The following WDR53 variants were observed in gnomAD, a reference collection of about 807,000 sequenced individuals.
WDR53 encodes the protein WD repeat domain 53.
In WDR53, 19 loss-of-function variants were observed where a neutral mutation model predicts 21.3. That is an observed-to-expected ratio of 0.89 (90% confidence interval 0.62 to 1.31). The LOEUF (loss-of-function observed/expected upper bound fraction) is 1.31. Among genes scored for constraint, WDR53 ranks in the 50% most tolerant of loss-of-function variants. WDR53 has a pLI of 0.00. For missense variants in WDR53, 374 were observed against 423.2 expected, an observed-to-expected ratio of 0.88 and a Z score of 1.02; for synonymous variants, 157 against 163.4, an observed-to-expected ratio of 0.96 and a Z score of 0.30.
At chr3:196,564,782 A>T (rs1450051667) in intron 2 of WDR53, among the ~76,000 whole-genome samples, 1 of 152,162 alleles carries the variant, frequency 6.6e-6, no homozygotes, top group Non-Finnish European at 1.5e-5. Flanking sequence ...AGATTTGCTG[A>T]TATTTGTGTG....
chr3:196,567,535 T>C (rs1376538971), intron 1 of WDR53, among the ~76,000 whole-genome samples: 2 of 152,212 alleles, frequency 1.3e-5, no homozygotes, highest in Non-Finnish European at 2.9e-5. Context: ...CAAGGGAGTC[T>C]GTGAACCCTA....
Position 196,554,628 on chromosome 3 carries a change from C to A in WDR53, c.660G>T (p.Lys220Asn), listed in dbSNP as rs761871966. The A allele has an allele frequency of 1.2e-6, 2 of 1,614,100 alleles. No individual in the cohort carries two copies. The highest frequency in any genetic ancestry group is 1.7e-6 in the Non-Finnish European group (2 of 1,180,024). The change falls in exon 4 of 4, where the codon AAG (lysine) becomes AAT (asparagine). Residue 220 changes from lysine (K) to asparagine (N), a missense_variant. By Grantham distance (94) the Lys-to-Asn change is moderately conservative (BLOSUM62 0). Coordinates refer to ENST00000332629, the MANE Select transcript of WDR53 (RefSeq NM_182627.3). ...CTCCCATCACCCGAAAGATTCGAAC[C>A]TTACCATCTTCTGCACCACAACTAA... is the stretch of plus-strand genomic sequence containing the variant. Reference protein sequence around the residue: ...NIFSCGAEDGKVRIFRVMGVK... With the variant: ...NIFSCGAEDGNVRIFRVMGVK...
chr3:196,557,918 C>T (rs1734482731), intron 3 of WDR53, among the ~76,000 whole-genome samples: 2 of 151,556 alleles, frequency 1.3e-5, no homozygotes, highest in African/African-American at 2.4e-5. Flanking sequence ...GCTGGGACTA[C>T]AGGTGCTCAC....
intron 2 of WDR53, among the ~76,000 whole-genome samples, chr3:196,565,469 G>A (rs1297263355): frequency 1.3e-5 from 2 of 151,886 alleles, no homozygotes; most frequent in African/African-American, 4.8e-5. Context: ...CAGCTACTCG[G>A]GAGGCTGAGG....
chr3:196,554,711 GA>G lies in WDR53; in HGVS notation c.576del (p.Gln193SerfsTer3), dbSNP rs1206780326. 1 of 1,614,050 alleles carries G rather than the reference GA, an allele frequency of 6.2e-7. No individual in the cohort carries two copies. The highest frequency in any genetic ancestry group is 1.3e-5 in the African/African-American group (1 of 74,916). ...TGGGCTAGGGCAGGGTTTAAGAGCT[GA>G]CCAGGTGACTGTGGGCCTTCCATTT... ...TEEMEGPQSP[G>X]QLLNPALAHS... On this transcript the variant is annotated frameshift_variant, in exon 4 of 4. Coordinates refer to ENST00000332629, the MANE Select transcript of WDR53 (RefSeq NM_182627.3). LOFTEE classifies it high-confidence loss of function.
intron 3 of WDR53, among the ~76,000 whole-genome samples, chr3:196,557,621 AC>A (rs1306040939): frequency 6.6e-6 from 1 of 152,208 alleles, no homozygotes; most frequent in Non-Finnish European, 1.5e-5. Flanking sequence ...AGAAAGAACA[AC>A]AAACCTTTCA....
chr3:196,567,751 T>TGTGTGTG (rs1735555984), intron 1 of WDR53, among the ~76,000 whole-genome samples: 10 of 143,570 alleles, frequency 7.0e-5, no homozygotes, highest in Non-Finnish European at 4.5e-5. Context: ...GCTGAAATTC[T>TGTGTGTG]TGTGTGTGTG....
chr3:196,563,159 A>G (rs1408331388), intron 2 of WDR53, among the ~76,000 whole-genome samples: 1 of 152,212 alleles, frequency 6.6e-6, no homozygotes, highest in Non-Finnish European at 1.5e-5. Flanking sequence ...AGTTACTAGT[A>G]AGTCATCAGT....
Position 196,561,498 on chromosome 3 carries a change from A to G in WDR53, c.-16-7T>C. 8.2e-6 allele frequency: 13 copies of G among 1,588,314 alleles called. No homozygotes were observed. The highest frequency in any genetic ancestry group is 1.1e-5 in the Non-Finnish European group (13 of 1,167,540). On this transcript the variant is annotated splice_region_variant and splice_polypyrimidine_tract_variant and intron_variant, in intron 2 of 3. Transcript: ENST00000332629. ...CATAATGGTCCCGGAGACTCTGTGA[A>G]GTGGGGGAAACAACTGTAATCTCAT... is the stretch of plus-strand genomic sequence containing the variant.
In WDR53 at chr3:196,560,867, C is replaced by T. The variant is rs1577569799; in HGVS notation, c.480+129G>A. The T allele has an allele frequency of 1.8e-5, 21 of 1,159,120 alleles. No homozygotes were observed. In the East Asian group the frequency reaches 5.0e-4, roughly 28 times the overall value. 71.8% of individuals were successfully genotyped at this position (1,159,120 alleles called of 1,614,324 possible). ...ACTAGCATTAAATGTAGAAATAAGG[C>T]TTATTGTTCATAAATGGATATGTTA... On this transcript the variant is annotated intron_variant, in intron 3 of 3. Coordinates refer to ENST00000332629, the MANE Select transcript of WDR53 (RefSeq NM_182627.3).
chr3:196,554,889 A>G, intron 3 of WDR53, 82 bp from the exon 4 acceptor site: 1 of 1,203,362 alleles, frequency 8.3e-7, no homozygotes, highest in South Asian at 1.4e-5. Context: ...CTTCTAATAA[A>G]ATCGTTAAAG....
At chr3:196,558,866 T>C (rs1271216919) in intron 3 of WDR53, among the ~76,000 whole-genome samples, 4 of 152,246 alleles carry the variant, frequency 2.6e-5, no homozygotes, top group Non-Finnish European at 4.4e-5. Flanking sequence ...CACAACCCAG[T>C]GTAGAAACAA....
intron 2 of WDR53, among the ~76,000 whole-genome samples, chr3:196,562,436 A>G (rs1734970146): frequency 6.6e-6 from 1 of 151,242 alleles, no homozygotes; most frequent in Admixed American, 6.6e-5. Flanking sequence ...TAATTTTTGT[A>G]TTTTTAGTAG....
chr3:196,563,914 C>CA (rs546841278), intron 2 of WDR53, among the ~76,000 whole-genome samples: 1 of 151,940 alleles, frequency 6.6e-6, no homozygotes, highest in Non-Finnish European at 1.5e-5. Flanking sequence ...AATTAGACTG[C>CA]AAAAAAATCA....
intron 2 of WDR53, among the ~76,000 whole-genome samples, chr3:196,562,095 A>C (rs1183522630): frequency 6.6e-6 from 1 of 152,158 alleles, no homozygotes; most frequent in African/African-American, 2.4e-5. Flanking sequence ...GGCCGGTGCA[A>C]AGCGGCATTA....
chr3:196,566,435 C>CA (rs1415060189), intron 2 of WDR53, among the ~76,000 whole-genome samples: 1 of 146,198 alleles, frequency 6.8e-6, no homozygotes, highest in Non-Finnish European at 1.5e-5. Flanking sequence ...TTTTTTGAGA[C>CA]AGAGTTTCGC....
intron 2 of WDR53, among the ~76,000 whole-genome samples, chr3:196,566,416 C>CTT (rs1330674667): frequency 4.3e-5 from 6 of 140,652 alleles, no homozygotes; most frequent in African/African-American, 1.3e-4. Flanking sequence ...GCATTTTTTT[C>CTT]TTTTTTTTTT....
intron 3 of WDR53, among the ~76,000 whole-genome samples, chr3:196,559,640 A>C (rs1274091661): frequency 6.6e-6 from 1 of 152,230 alleles, no homozygotes; most frequent in African/African-American, 2.4e-5. Context: ...TACTGTATGT[A>C]ACTGAGAACA....
At chr3:196,555,661 T>C (rs1261045744) in intron 3 of WDR53, among the ~76,000 whole-genome samples, 5 of 152,250 alleles carry the variant, frequency 3.3e-5, no homozygotes, top group Non-Finnish European at 5.9e-5. Context: ...AGCTTTATCA[T>C]GTAGTTTACC....
Sources: allele counts gnomAD v4.1 joint callset (sites outside exome capture counted in the v4.1 genomes callset), GRCh38; gene constraint gnomAD v4.1.1; transcripts MANE v1.5; gene names NCBI Gene and HGNC (gene_info 2026-07-23, HGNC 2026-07-21).